BCL2L13: variants seen among roughly 807,000 people sequenced by gnomAD.
BCL2L13 encodes bcl-2-like protein 13.
In BCL2L13, 13 loss-of-function variants were observed where a neutral mutation model predicts 25.8. The ratio of observed to expected loss-of-function variants is 0.50; its 90% CI spans 0.33 to 0.80. BCL2L13 has a LOEUF of 0.80. BCL2L13 is among the 30% of genes least tolerant of loss of function. The probability of loss-of-function intolerance (pLI) is 0.02; values close to 1 mark genes in which losing one functional copy is unlikely to be tolerated. For missense variants in BCL2L13, 504 were observed against 574.9 expected, an observed-to-expected ratio of 0.88 and a Z score of 1.26; for synonymous variants, 244 against 230.3, an observed-to-expected ratio of 1.06 and a Z score of -0.54.
rs1351503168 is a variant in BCL2L13, at chr22:17,729,051, A to G, written c.*1517A>G. 1 of 152,264 alleles carries G rather than the reference A, an allele frequency of 6.6e-6. No homozygotes were observed. Among genetic ancestry groups the G allele is most frequent in the Non-Finnish European group, 1.5e-5 (1 of 68,056 alleles). 9.4% of individuals were successfully genotyped at this position (152,264 alleles called of 1,614,324 possible). A position where few individuals can be genotyped will look rare whatever the true frequency, so the allele number is the denominator to read the frequency against. ...ACACGTGGCTTGGTTTAAAAAGGTC[A>G]TCTTAGATTTATCTTAGTAAATGTA... On this transcript the variant is annotated 3_prime_UTR_variant, in exon 7 of 7. Transcript: ENST00000317582.
At chr22:17,635,973 T>C (rs570759445), upstream of BCL2L13, among the ~76,000 whole-genome samples, 1 of 151,230 alleles carries the variant, frequency 6.6e-6, no homozygotes, top group East Asian at 2.0e-4. Flanking sequence ...CCTCCCAAAG[T>C]GCTGGGATTA....
chr22:17,706,640 C>T, intron 6 of BCL2L13: 1 of 1,259,546 alleles, frequency 7.9e-7, no homozygotes, highest in Non-Finnish European at 1.0e-6. Flanking sequence ...ACCATTTCCT[C>T]TTAGTTTCAG....
intron 6 of BCL2L13, among the ~76,000 whole-genome samples, chr22:17,719,827 CAAAAAAAAAAA>C (rs60474373): frequency 0.084 from 7,699 of 91,162 alleles, 370 homozygotes; most frequent in East Asian, 0.26. Context: ...GACTCCATCT[CAAAAAAAAAAA>C]AAAAAAAAAA....
At chr22:17,671,315 A>C (rs2059409485) in intron 2 of BCL2L13, among the ~76,000 whole-genome samples, 1 of 147,810 alleles carries the variant, frequency 6.8e-6, no homozygotes, top group Non-Finnish European at 1.5e-5. Context: ...AATGGCGTGT[A>C]CCCGGGAGAC....
chr22:17,688,109 G>A (rs559797295), intron 3 of BCL2L13, among the ~76,000 whole-genome samples: 5 of 152,240 alleles, frequency 3.3e-5, no homozygotes, highest in African/African-American at 4.8e-5. Flanking sequence ...ATGCGCCACC[G>A]CGCCCGGCCT....
In BCL2L13 at chr22:17,729,258, A is replaced by G. The variant is rs2061364321; in HGVS notation, c.*1724A>G. On this transcript the variant is annotated 3_prime_UTR_variant, in exon 7 of 7. Transcript: ENST00000317582. Reference sequence around the variant, plus strand: ...TGGGAGTATGTTTGTGTGTCTTTCCAGCTTTATCCTGTAGCGTGTCTTTGT... The same window carrying G: ...TGGGAGTATGTTTGTGTGTCTTTCCGGCTTTATCCTGTAGCGTGTCTTTGT... 2 of 152,282 alleles carry G rather than the reference A, an allele frequency of 1.3e-5. No individual in the cohort carries two copies. Among genetic ancestry groups the G allele is most frequent in the Admixed American group, 1.3e-4 (2 of 15,292 alleles). 9.4% of individuals were successfully genotyped at this position (152,282 alleles called of 1,614,324 possible). A position where few individuals can be genotyped will look rare whatever the true frequency, so the allele number is the denominator to read the frequency against.
At chr22:17,703,093 T>C (rs2060485833) in intron 6 of BCL2L13, 1 of 152,102 alleles carries the variant, frequency 6.6e-6, no homozygotes, top group African/African-American at 2.4e-5. Flanking sequence ...AGGCAGAGGT[T>C]GCAGTGAGCC....
chr22:17,644,038 G>A (rs752176374), intron 1 of BCL2L13, among the ~76,000 whole-genome samples: 4 of 151,160 alleles, frequency 2.6e-5, no homozygotes, highest in Non-Finnish European at 4.4e-5. Flanking sequence ...AGCCTCCTGA[G>A]TAGCTGGGAA....
intron 1 of BCL2L13, among the ~76,000 whole-genome samples, chr22:17,632,854 A>G (rs188163782): frequency 5.2e-4 from 78 of 151,394 alleles, no homozygotes; most frequent in African/African-American, 1.7e-3. Context: ...CCCGGGTTCA[A>G]GCAATTCTCC....
intron 5 of BCL2L13, 92 bp from the exon 6 acceptor site, chr22:17,702,151 G>A: frequency 5.3e-6 from 5 of 945,170 alleles, no homozygotes; most frequent in Non-Finnish European, 7.8e-6. Context: ...CCTTAATGAT[G>A]CATTTAAATA....
chr22:17,635,225 A>C (rs1186366636), upstream of BCL2L13, among the ~76,000 whole-genome samples: 3 of 82,668 alleles, frequency 3.6e-5, no homozygotes, highest in South Asian at 5.2e-4. Context: ...CTATCTCTAC[A>C]AAAAAAAAAC....
At chr22:17,708,057 C>T (rs2060641030) in intron 6 of BCL2L13, among the ~76,000 whole-genome samples, 1 of 151,812 alleles carries the variant, frequency 6.6e-6, no homozygotes, top group Non-Finnish European at 1.5e-5. Context: ...CGTTCCTTTA[C>T]TTAGTTTTTT....
At chr22:17,635,534 T>G (rs1228423771), upstream of BCL2L13, among the ~76,000 whole-genome samples, 1 of 152,198 alleles carries the variant, frequency 6.6e-6, no homozygotes, top group East Asian at 1.9e-4. Context: ...GAAAATTAGT[T>G]AACAATTCTA....
chr22:17,694,597 T>C (rs1345040049), intron 4 of BCL2L13, among the ~76,000 whole-genome samples: 2 of 152,100 alleles, frequency 1.3e-5, no homozygotes, highest in Non-Finnish European at 2.9e-5. Context: ...GTACAAAAAA[T>C]TATTGAGCTA....
chr22:17,692,947 C>G (rs535226193), intron 4 of BCL2L13, among the ~76,000 whole-genome samples: 1 of 152,136 alleles, frequency 6.6e-6, no homozygotes, highest in African/African-American at 2.4e-5. Context: ...TCATTGAAAT[C>G]TAGTGTGTAT....
rs934607458 is a variant in BCL2L13, at chr22:17,720,009, G to T, written c.601-6668G>T. On this transcript the variant is annotated intron_variant, in intron 6 of 6. Coordinates refer to ENST00000317582, the MANE Select transcript of BCL2L13 (RefSeq NM_015367.4). ...GAACGTAGATTAGTGATTGCCAGGGGATGAAAAGGGGGAGAATGGAGAGTG... is the reference window on the plus strand; with the variant it reads ...GAACGTAGATTAGTGATTGCCAGGGTATGAAAAGGGGGAGAATGGAGAGTG... 2.0e-5 allele frequency among the ~76,000 whole-genome samples: 3 copies of T among 152,214 alleles called. No individual in the cohort carries two copies. The South Asian group carries it at 6.2e-4, about 32-fold the overall frequency.
At chr22:17,715,144 ATATATATATATATATATATATATATATTT>A (rs1408351983) in intron 6 of BCL2L13, among the ~76,000 whole-genome samples, 358 of 5,782 alleles carry the variant, frequency 0.062, 18 homozygotes, top group African/African-American at 0.08. Context: ...ATATATATAT[ATATATATATATATATATATATATATATTT>A]TTTTTTTTTT....
chr22:17,633,456 A>G (rs953426664), intron 1 of BCL2L13, among the ~76,000 whole-genome samples: 1 of 152,158 alleles, frequency 6.6e-6, no homozygotes, highest in East Asian at 1.9e-4. Flanking sequence ...TTTAAAACAT[A>G]TTTTCAGACA....
intron 1 of BCL2L13, among the ~76,000 whole-genome samples, chr22:17,632,863 C>T (rs1001587548): frequency 1.3e-5 from 2 of 150,854 alleles, no homozygotes; most frequent in Non-Finnish European, 2.9e-5. Flanking sequence ...AAGCAATTCT[C>T]CTGCCTCAGC....
Sources: allele counts gnomAD v4.1 joint callset (sites outside exome capture counted in the v4.1 genomes callset), GRCh38; gene constraint gnomAD v4.1.1; transcripts MANE v1.5; gene names NCBI Gene and HGNC (gene_info 2026-07-23, HGNC 2026-07-21).